Variants in DHPS observed in about 807,000 individuals in gnomAD.
DHPS encodes the protein deoxyhypusine synthase.
A neutral mutation model predicts 38.7 loss-of-function variants in DHPS; 24 were observed. The ratio of observed to expected loss-of-function variants is 0.62; its 90% CI spans 0.45 to 0.87. DHPS has a LOEUF of 0.87. Ranked by LOEUF, DHPS falls within the 40% of genes least tolerant of loss-of-function variation. The probability of loss-of-function intolerance (pLI) is 0.00; values close to 1 mark genes in which losing one functional copy is unlikely to be tolerated. For missense variants in DHPS, 510 were observed against 497.6 expected (o/e 1.02, Z -0.24); for synonymous variants, 250 against 204.4 (o/e 1.22, Z -1.90).
At chr19:12,675,429 T>G (rs1475499658), downstream of DHPS, 3 of 1,516,082 alleles carry the variant, frequency 2.0e-6, no homozygotes, top group Admixed American at 2.0e-5. Context: ...GACTGAGGGC[T>G]TCAGGCAGGA....
intron 6 of DHPS, 23 bp downstream of exon 6, chr19:12,677,265 TCTC>T (rs765716761): frequency 3.7e-6 from 6 of 1,613,902 alleles, no homozygotes; most frequent in Admixed American, 3.3e-5. Flanking sequence ...CTCCTTCCCC[TCTC>T]CTCTGTGGCC....
At chr19:12,678,791 AGAC>A (rs150597703) in intron 5 of DHPS, among the ~76,000 whole-genome samples, 1 of 136,888 alleles carries the variant, frequency 7.3e-6, no homozygotes, top group East Asian at 2.2e-4. Flanking sequence ...AAAAAAAAAA[AGAC>A]TATGTAGCTT....
chr19:12,679,800 C>G lies in DHPS; in HGVS notation c.494+1G>C. 1 of 1,614,070 alleles carries G rather than the reference C, an allele frequency of 6.2e-7. No individual in the cohort carries two copies. The highest frequency in any genetic ancestry group is 8.5e-7 in the Non-Finnish European group (1 of 1,179,952). ...TGCCCAACACCACTCAGGGTTCTCA[C>G]CTATTGATCCCGTTCTCCCGGAGCT... On this transcript the variant is annotated splice_donor_variant, in intron 3 of 8. Coordinates refer to ENST00000210060, the MANE Select transcript of DHPS (RefSeq NM_001930.4). LOFTEE classifies it high-confidence loss of function.
chr19:12,680,115 G>A (rs2024750678), intron 2 of DHPS, 46 bp downstream of exon 2: 1 of 1,605,458 alleles, frequency 6.2e-7, no homozygotes, highest in African/African-American at 1.3e-5. Flanking sequence ...TAACTGCATT[G>A]CCCATTGACC....
At chr19:12,672,885 T>C (rs1199544879), downstream of DHPS, 3 of 1,597,218 alleles carry the variant, frequency 1.9e-6, no homozygotes, top group Non-Finnish European at 1.7e-6. Context: ...GACCTAAGGA[T>C]GGGGCAGCTC....
downstream of DHPS, chr19:12,673,257 G>C (rs1246527418): frequency 6.2e-7 from 1 of 1,614,054 alleles, no homozygotes; most frequent in East Asian, 2.2e-5. Flanking sequence ...GAGCGAGCGT[G>C]ACACACATGT....
At chr19:12,679,200 A>C (rs909702311) in intron 5 of DHPS, among the ~76,000 whole-genome samples, 10 of 151,804 alleles carry the variant, frequency 6.6e-5, no homozygotes, top group African/African-American at 9.7e-5. Flanking sequence ...CGAGAGGCTG[A>C]GGTGGGAGGA....
At chr19:12,675,416 G>A (rs2024545509), downstream of DHPS, 4 of 1,474,972 alleles carry the variant, frequency 2.7e-6, no homozygotes, top group South Asian at 2.6e-5. Context: ...GTCGGGGAGA[G>A]GTGACTGAGG....
chr19:12,675,574 G>A (rs1346658735), downstream of DHPS: 3 of 1,606,092 alleles, frequency 1.9e-6, no homozygotes, highest in Non-Finnish European at 1.7e-6. Context: ...GCAGTCGCTG[G>A]CCTACCACCC....
downstream of DHPS, chr19:12,673,408 A>ATT: frequency 1.5e-5 from 4 of 265,958 alleles, no homozygotes; most frequent in South Asian, 3.1e-5. Context: ...GAAGGCTAGG[A>ATT]TCTTTTTTTT....
In DHPS at chr19:12,676,037, C is replaced by A. The variant is rs747709060; in HGVS notation, c.994G>T (p.Val332Leu). 6.2e-6 allele frequency: 10 copies of A among 1,614,084 alleles called. No individual in the cohort carries two copies. In the Admixed American group the frequency reaches 1.3e-4, roughly 22 times the overall value. ...DEAVSWGKIR[V>L]DAQPVKVYAD... ...CTTACCTTGACGGGCTGTGCATCCA[C>A]CCGGATCTTGCCCCAGGAGACAGCC... The change falls in exon 8 of 9, where the codon GTG (valine) becomes TTG (leucine). Residue 332 changes from valine (V) to leucine (L), a missense_variant. Coordinates refer to ENST00000210060, the MANE Select transcript of DHPS (RefSeq NM_001930.4).
chr19:12,680,005 C>A, intron 2 of DHPS, 83 bp from the exon 3 acceptor site: 1 of 1,564,440 alleles, frequency 6.4e-7, no homozygotes, highest in Non-Finnish European at 8.7e-7. Context: ...TCATCCTTGT[C>A]CAGTGACTCT....
Position 12,681,689 on chromosome 19 carries a change from G to A in DHPS, c.78C>T (p.Pro26=). 2 of 1,614,072 alleles carry A rather than the reference G, an allele frequency of 1.2e-6. No homozygotes were observed. Among genetic ancestry groups the A allele is most frequent in the Non-Finnish European group, 1.7e-6 (2 of 1,180,032 alleles). Residue 26 remains proline (P), a synonymous_variant, in exon 1 of 9, where the codon CCC becomes CCT. Coordinates refer to ENST00000210060, the MANE Select transcript of DHPS (RefSeq NM_001930.4). ...CGTAGCCCCGGACCTGGGTGCTTTC[G>A]GGCGGCAACGTCGAGCTGTGCTTTA... ...AVLKHSSTLP[P]ESTQVRGYDF...
chr19:12,677,439 C>T (rs759035741), intron 5 of DHPS, 43 bp from the exon 6 acceptor site: 29 of 1,535,366 alleles, frequency 1.9e-5, no homozygotes, highest in Non-Finnish European at 2.5e-5. Flanking sequence ...CTCAGAGCCT[C>T]GTCTCCATGC....
At chr19:12,679,390 G>A (rs961166024) in intron 5 of DHPS, 67 bp downstream of exon 5, 6 of 1,418,116 alleles carry the variant, frequency 4.2e-6, no homozygotes, top group Non-Finnish European at 6.0e-6. Flanking sequence ...TCCCCAGGAG[G>A]CTGGAAAGAT....
chr19:12,677,143 C>A lies in DHPS; in HGVS notation c.853G>T (p.Val285Leu). 6.2e-7 allele frequency: 1 copy of A among 1,614,226 alleles called. No individual in the cohort carries two copies. The highest frequency in any genetic ancestry group is 8.5e-7 in the Non-Finnish European group (1 of 1,180,032). ...GCATTGGCAATGTGGTGCTTGACCA[C>A]GCCCCCGCCCAGAATGATCATCCCA... Reference protein sequence around the residue: ...CTGMIILGGGVVKHHIANANL... With the variant: ...CTGMIILGGGLVKHHIANANL... Residue 285 changes from valine to leucine, a missense_variant, in exon 7 of 9, where the codon GTG (valine) becomes TTG (leucine). Coordinates refer to ENST00000210060, the MANE Select transcript of DHPS (RefSeq NM_001930.4).
At chr19:12,681,308 G>T in intron 1 of DHPS, 1 of 1,191,676 alleles carries the variant, frequency 8.4e-7, no homozygotes, top group South Asian at 1.6e-5. Flanking sequence ...AATGTACCTA[G>T]AACCCGCCCC....
chr19:12,678,197 G>A (rs186829575), intron 5 of DHPS, among the ~76,000 whole-genome samples: 43 of 151,590 alleles, frequency 2.8e-4, no homozygotes, highest in Non-Finnish European at 5.5e-4. Flanking sequence ...GGTAGAGGTT[G>A]CTGTGAGCCA....
At chr19:12,675,625 C>T, downstream of DHPS, 1 of 1,603,152 alleles carries the variant, frequency 6.2e-7, no homozygotes, top group Non-Finnish European at 8.5e-7. Flanking sequence ...AGGCAGCGTC[C>T]AGTGCTGGCG....
Sources: gnomAD v4.1 joint callset for allele counts (sites outside exome capture counted in the v4.1 genomes callset) on GRCh38, gnomAD v4.1.1 for gene constraint, MANE v1.5 for transcripts, NCBI Gene and HGNC (gene_info 2026-07-23, HGNC 2026-07-21) for gene names.